GALNTL6: variants seen among roughly 807,000 people sequenced by gnomAD.
GALNTL6 encodes the protein polypeptide N-acetylgalactosaminyltransferase like 6.
A neutral mutation model predicts 73.7 loss-of-function variants in GALNTL6; 46 were observed. The observed-to-expected ratio is 0.62, with a 90% CI of 0.49 to 0.80. GALNTL6 has a LOEUF of 0.80. GALNTL6 is among the 30% of genes least tolerant of loss of function. GALNTL6 has a pLI of 0.00. For missense variants in GALNTL6, 604 were observed against 755.0 expected, an observed-to-expected ratio of 0.80 and a Z score of 2.34; for synonymous variants, 259 against 263.7, an observed-to-expected ratio of 0.98 and a Z score of 0.17.
At position 171,880,506 on chromosome 4, in the gene GALNTL6, G is replaced by A. The variant is rs924663295; in HGVS notation, c.138+65788G>A. Among the ~76,000 whole-genome samples the A allele has an allele frequency of 2.6e-5, 4 of 152,318 alleles. No individual in the cohort carries two copies. The East Asian group carries it at 7.7e-4, about 29-fold the overall frequency. On this transcript the variant is annotated intron_variant, in intron 2 of 12. Coordinates refer to ENST00000506823, the MANE Select transcript of GALNTL6 (RefSeq NM_001034845.3). ...AATTAACAAAAGACACTGGAGAATA[G>A]ATCACCCAAAGGGTAGGGAAGCCAA...
intron 3 of GALNTL6, among the ~76,000 whole-genome samples, chr4:172,298,839 G>C (rs1739789560): frequency 6.6e-6 from 1 of 152,058 alleles, no homozygotes; most frequent in Non-Finnish European, 1.5e-5. Flanking sequence ...TTTTTTTGTT[G>C]TGTCTCTGCC....
At position 172,623,278 on chromosome 4, in the gene GALNTL6, G is replaced by A. The variant is rs115444825; in HGVS notation, c.554-186083G>A. On this transcript the variant is annotated intron_variant, in intron 5 of 12. Transcript: ENST00000506823. ...GCTTCAGGGAAAAAGAAACGTGAAT[G>A]CTCTGAACTGATGTATTTCTTAACA... 4.9e-3 allele frequency among the ~76,000 whole-genome samples: 740 copies of A among 152,222 alleles called. 4 individuals carry two copies. Among genetic ancestry groups the A allele is most frequent in the African/African-American group, 0.017 (709 of 41,548 alleles).
chr4:172,249,595 A>T lies in GALNTL6; in HGVS notation c.247+19831A>T, dbSNP rs1737782894. 2.0e-5 allele frequency among the ~76,000 whole-genome samples: 3 copies of T among 152,242 alleles called. No homozygotes were observed. In the South Asian group the frequency reaches 6.2e-4, roughly 32 times the overall value. ...CTAGGAGGAAAAAGTGCTTCCCTGG[A>T]CCAGGCTCAGGGCCCCCCTGCTCTG... On this transcript the variant is annotated intron_variant, in intron 3 of 12. Coordinates refer to ENST00000506823, the MANE Select transcript of GALNTL6 (RefSeq NM_001034845.3).
At chr4:172,555,600 T>C (rs1329821716) in intron 5 of GALNTL6, among the ~76,000 whole-genome samples, 1 of 152,112 alleles carries the variant, frequency 6.6e-6, no homozygotes, top group Non-Finnish European at 1.5e-5. Flanking sequence ...TACATATTGA[T>C]GTATTTTTTA....
chr4:172,364,099 T>A (rs1011801743), intron 5 of GALNTL6, among the ~76,000 whole-genome samples: 4 of 152,248 alleles, frequency 2.6e-5, no homozygotes, highest in Non-Finnish European at 4.4e-5. Flanking sequence ...GAGAAAAAAA[T>A]TTCAATAAAG....
At chr4:172,767,853 A>G (rs566452683) in intron 5 of GALNTL6, among the ~76,000 whole-genome samples, 35 of 151,930 alleles carry the variant, frequency 2.3e-4, no homozygotes, top group South Asian at 1.5e-3. Context: ...TATTTTTAGT[A>G]TAGACGGGGT....
At chr4:172,134,248 G>A (rs767309492) in intron 2 of GALNTL6, among the ~76,000 whole-genome samples, 6 of 152,076 alleles carry the variant, frequency 3.9e-5, no homozygotes, top group Non-Finnish European at 7.4e-5. Flanking sequence ...AGCTGGGCAT[G>A]GTGGCGGGCG....
intron 2 of GALNTL6, among the ~76,000 whole-genome samples, chr4:172,194,553 G>A (rs569924816): frequency 6.6e-6 from 1 of 152,286 alleles, no homozygotes; most frequent in South Asian, 2.1e-4. Flanking sequence ...AGAGAAAGGT[G>A]AGGTCGCCTA....
chr4:171,906,530 T>A (rs1737283430), intron 2 of GALNTL6, among the ~76,000 whole-genome samples: 1 of 151,854 alleles, frequency 6.6e-6, no homozygotes, highest in Non-Finnish European at 1.5e-5. Context: ...AGAGTCCAGG[T>A]CCAGATGGAT....
At chr4:172,262,882 T>C (rs896573916) in intron 3 of GALNTL6, among the ~76,000 whole-genome samples, 2 of 151,588 alleles carry the variant, frequency 1.3e-5, no homozygotes, top group Admixed American at 1.3e-4. Flanking sequence ...TTATTAAGTT[T>C]AGTTTGCTAG....
chr4:171,898,841 G>C (rs1231422484), intron 2 of GALNTL6, among the ~76,000 whole-genome samples: 2 of 151,992 alleles, frequency 1.3e-5, no homozygotes, highest in East Asian at 3.9e-4. Context: ...TGTTAGCCTA[G>C]TGAATATTTT....
At chr4:172,339,888 C>A (rs762231918) in intron 4 of GALNTL6, among the ~76,000 whole-genome samples, 7 of 152,116 alleles carry the variant, frequency 4.6e-5, no homozygotes, top group Non-Finnish European at 8.8e-5. Context: ...AGTAGATTCC[C>A]ATTTTTCTTC....
chr4:172,844,870 GA>G lies in GALNTL6; in HGVS notation c.923+31154del, dbSNP rs528055072. Among the ~76,000 whole-genome samples, 237 of 151,682 alleles carry G rather than the reference GA, an allele frequency of 1.6e-3. 2 individuals carry two copies. The highest frequency in any genetic ancestry group is 4.0e-4 in the Non-Finnish European group (27 of 67,858). On this transcript the variant is annotated intron_variant, in intron 7 of 12. Transcript: ENST00000506823. ...GTTTTGCATAGAAGCAAAATGAAAA[GA>G]AAAAAAGTCCTCATTCACACAAAGT...
intron 5 of GALNTL6, among the ~76,000 whole-genome samples, chr4:172,408,097 G>A (rs1351883828): frequency 6.6e-6 from 1 of 152,010 alleles, no homozygotes; most frequent in Non-Finnish European, 1.5e-5. Flanking sequence ...GGGGATTCGG[G>A]TGAAATACTT....
intron 3 of GALNTL6, among the ~76,000 whole-genome samples, chr4:172,289,976 T>A (rs1352609541): frequency 6.6e-6 from 1 of 152,220 alleles, no homozygotes; most frequent in Non-Finnish European, 1.5e-5. Context: ...TAAATCATAC[T>A]GTAAAACATT....
chr4:172,808,445 C>T (rs1332235713), intron 5 of GALNTL6, among the ~76,000 whole-genome samples: 4 of 152,116 alleles, frequency 2.6e-5, no homozygotes, highest in Non-Finnish European at 5.9e-5. Flanking sequence ...ACAGAGCATA[C>T]AGCATACTAA....
chr4:172,518,400 T>C (rs1162871179), intron 5 of GALNTL6, among the ~76,000 whole-genome samples: 1 of 151,998 alleles, frequency 6.6e-6, no homozygotes, highest in African/African-American at 2.4e-5. Flanking sequence ...ACAGTACATA[T>C]TGTAGATTGA....
At chr4:172,772,337 A>C (rs768975386) in intron 5 of GALNTL6, among the ~76,000 whole-genome samples, 3 of 152,252 alleles carry the variant, frequency 2.0e-5, no homozygotes, top group Non-Finnish European at 4.4e-5. Context: ...CAGCACGTTC[A>C]GAGCTAAAGC....
At chr4:172,537,024 A>C (rs994239225) in intron 5 of GALNTL6, among the ~76,000 whole-genome samples, 1 of 152,164 alleles carries the variant, frequency 6.6e-6, no homozygotes, top group African/African-American at 2.4e-5. Context: ...GAATGGGTGC[A>C]TTTACCCAAT....
Sources: allele counts gnomAD v4.1 joint callset (sites outside exome capture counted in the v4.1 genomes callset), GRCh38; gene constraint gnomAD v4.1.1; transcripts MANE v1.5; gene names NCBI Gene and HGNC (gene_info 2026-07-23, HGNC 2026-07-21).